Variants in LPAR3 observed in about 807,000 individuals in gnomAD.
LPAR3 encodes LPA receptor 3.
A neutral mutation model predicts 17.8 loss-of-function variants in LPAR3; 7 were observed. The ratio of observed to expected loss-of-function variants is 0.39; its 90% confidence interval spans 0.22 to 0.74. LPAR3 has a LOEUF of 0.74. Among genes scored for constraint, LPAR3 ranks in the 30% least tolerant of loss-of-function variants. The pLI is 0.40. For missense variants in LPAR3, 391 were observed against 453.4 expected, an observed-to-expected ratio of 0.86 and a Z score of 1.25; for synonymous variants, 179 against 179.9, an observed-to-expected ratio of 0.99 and a Z score of 0.04.
chr1:84,851,200 T>A (rs1659703488), intron 2 of LPAR3, among the ~76,000 whole-genome samples: 1 of 152,252 alleles, frequency 6.6e-6, no homozygotes, highest in South Asian at 2.1e-4. Context: ...ATAGAGTTGT[T>A]ATTAGAAATG....
intron 1 of LPAR3, among the ~76,000 whole-genome samples, chr1:84,877,269 G>A (rs922095781): frequency 5.9e-5 from 9 of 152,228 alleles, no homozygotes; most frequent in African/African-American, 2.2e-4. Flanking sequence ...CTACAGAGCT[G>A]CACTTAGGTG....
chr1:84,846,262 G>A (rs559288197), intron 2 of LPAR3, among the ~76,000 whole-genome samples: 1 of 152,294 alleles, frequency 6.6e-6, no homozygotes, highest in South Asian at 2.1e-4. Flanking sequence ...GAATCACATT[G>A]CTCCAATTAA....
intron 2 of LPAR3, among the ~76,000 whole-genome samples, chr1:84,840,697 GA>G (rs34663477): frequency 6.6e-6 from 1 of 151,938 alleles, no homozygotes; most frequent in East Asian, 1.9e-4. Flanking sequence ...CATTGACATT[GA>G]AAAAAAACTG....
At chr1:84,870,624 C>T (rs1660142185) in intron 1 of LPAR3, among the ~76,000 whole-genome samples, 1 of 152,112 alleles carries the variant, frequency 6.6e-6, no homozygotes, top group Non-Finnish European at 1.5e-5. Flanking sequence ...CTTATCTGTG[C>T]CAGGTGCTGA....
intron 1 of LPAR3, among the ~76,000 whole-genome samples, chr1:84,890,802 A>C (rs1660539307): frequency 6.6e-6 from 1 of 152,216 alleles, no homozygotes; most frequent in Admixed American, 6.5e-5. Context: ...CAAAGAAATA[A>C]GAGGCGGGTC....
In LPAR3 at chr1:84,813,975, G is replaced by T. The variant is rs750831477; in HGVS notation, c.933C>A (p.Phe311Leu). The T allele has an allele frequency of 6.1e-5, 99 of 1,614,122 alleles. 1 individual carries two copies. The South Asian group carries it at 1.0e-3, about 17-fold the overall frequency. ...YGTMKKMICC[F>L]SQENPERRPS... is the part of the protein sequence containing the mutation. The stretch of plus-strand genomic sequence containing the variant: ...GACGCCTCTCTGGGTTCTCCTGAGA[G>T]AAGCAGCAGATCATCTTCTTCATGG... The change falls in exon 3 of 3, where the codon TTC (phenylalanine) becomes TTA (leucine). Residue 311 changes from phenylalanine (F) to leucine (L), a missense_variant. By Grantham distance (22) the Phe-to-Leu change is conservative. Transcript: ENST00000370611.
rs148209705 is a variant in LPAR3, at chr1:84,843,186, A to G, written c.736+22199T>C. On this transcript the variant is annotated intron_variant, in intron 2 of 2. Transcript: ENST00000370611. ...AAATCTAACTCCTGTCTTCACCTTC[A>G]CATTTAAAACTCCATTTCTTCTTTT... is the stretch of plus-strand genomic sequence containing the variant. Among the ~76,000 whole-genome samples the G allele has an allele frequency of 4.7e-3, 714 of 152,284 alleles. 5 individuals are homozygous for G. The highest frequency in any genetic ancestry group is 0.015 in the South Asian group (70 of 4,822).
chr1:84,837,339 C>G (rs1005435259), intron 2 of LPAR3, among the ~76,000 whole-genome samples: 1 of 152,110 alleles, frequency 6.6e-6, no homozygotes, highest in Non-Finnish European at 1.5e-5. Context: ...TTTTAAAAAC[C>G]ACACTTGATA....
chr1:84,863,507 G>A lies in LPAR3; in HGVS notation c.736+1878C>T, dbSNP rs1457712932. On this transcript the variant is annotated intron_variant, in intron 2 of 2. Transcript: ENST00000370611. ...TCTCCTGGGTTTTCCATCCCTTCTA[G>A]GGCTCCTTTGCTGGCTGCCCCTTAC... Among the ~76,000 whole-genome samples, 5 of 152,152 alleles carry A rather than the reference G, an allele frequency of 3.3e-5. No individual in the cohort carries two copies. The East Asian group carries it at 9.7e-4, about 29-fold the overall frequency.
intron 2 of LPAR3, among the ~76,000 whole-genome samples, chr1:84,827,140 T>C (rs1047542848): frequency 2.0e-5 from 3 of 152,226 alleles, no homozygotes; most frequent in Non-Finnish European, 4.4e-5. Flanking sequence ...GTGGAACCAA[T>C]AAAAATCAAT....
At position 84,865,782 on chromosome 1, in the gene LPAR3, C is replaced by T. The variant is rs1282922148; in HGVS notation, c.339G>A (p.Leu113=). Residue 113 remains leucine, a synonymous_variant, in exon 2 of 3, where the codon TTG becomes TTA. Transcript: ENST00000370611. ...FLRQGLLDSS[L]TASLTNLLVI... ...CCAGCAAGTTGGTGAGGGAAGCAGT[C>T]AAGCTACTGTCCAGAAGCCCCTGAC... 1 of 1,614,194 alleles carries T rather than the reference C, an allele frequency of 6.2e-7. No individual in the cohort carries two copies. Among genetic ancestry groups the T allele is most frequent in the Non-Finnish European group, 8.5e-7 (1 of 1,180,048 alleles).
intron 2 of LPAR3, among the ~76,000 whole-genome samples, chr1:84,846,757 C>T (rs1483260342): frequency 6.6e-6 from 1 of 152,080 alleles, no homozygotes; most frequent in African/African-American, 2.4e-5. Context: ...CATTCAAATT[C>T]AAACTGGATA....
chr1:84,890,210 A>C lies in LPAR3; in HGVS notation c.-19+2806T>G, dbSNP rs74096183. Among the ~76,000 whole-genome samples the C allele has an allele frequency of 3.4e-3, 517 of 150,130 alleles. 1 individual carries two copies. Among genetic ancestry groups the C allele is most frequent in the African/African-American group, 0.012 (499 of 40,714 alleles). ...GGAAAGGGGGAGGCTCAGTACCTGC[A>C]GGAGGAATGACGAAGGGAGGAACAA... On this transcript the variant is annotated intron_variant, in intron 1 of 2. Coordinates refer to ENST00000370611, the MANE Select transcript of LPAR3 (RefSeq NM_012152.3).
intron 1 of LPAR3, among the ~76,000 whole-genome samples, chr1:84,875,213 T>G (rs1235963750): frequency 1.3e-5 from 2 of 152,152 alleles, no homozygotes; most frequent in East Asian, 3.8e-4. Context: ...AATGTCAAAT[T>G]TTAAAGTGTG....
At chr1:84,837,436 T>C (rs1382353294) in intron 2 of LPAR3, among the ~76,000 whole-genome samples, 1 of 152,228 alleles carries the variant, frequency 6.6e-6, no homozygotes, top group Non-Finnish European at 1.5e-5. Context: ...CTGCAGGTTC[T>C]GAGCCAGTCT....
At chr1:84,876,193 C>T (rs1032192299) in intron 1 of LPAR3, among the ~76,000 whole-genome samples, 6 of 152,296 alleles carry the variant, frequency 3.9e-5, no homozygotes, top group African/African-American at 1.4e-4. Flanking sequence ...TACCCCTCCT[C>T]TCCTGCCTGC....
chr1:84,838,694 G>A (rs953138953), intron 2 of LPAR3, among the ~76,000 whole-genome samples: 9 of 152,086 alleles, frequency 5.9e-5, no homozygotes, highest in African/African-American at 1.9e-4. Flanking sequence ...GTGGTCAATC[G>A]TCTTTATATT....
At chr1:84,837,309 C>T (rs1659424603) in intron 2 of LPAR3, among the ~76,000 whole-genome samples, 1 of 152,226 alleles carries the variant, frequency 6.6e-6, no homozygotes, top group African/African-American at 2.4e-5. Context: ...GCGTAAGCCA[C>T]CGCTCCTGGC....
chr1:84,891,152 T>C (rs1196607132), intron 1 of LPAR3, among the ~76,000 whole-genome samples: 3 of 138,836 alleles, frequency 2.2e-5, no homozygotes, highest in African/African-American at 8.4e-5. Context: ...AAAATAGGTC[T>C]GATCTGATAA....
Sources: allele counts gnomAD v4.1 joint callset (sites outside exome capture counted in the v4.1 genomes callset), GRCh38; gene constraint gnomAD v4.1.1; transcripts MANE v1.5; gene names NCBI Gene and HGNC (gene_info 2026-07-23, HGNC 2026-07-21).